Variants in DLG2 observed in about 807,000 individuals in gnomAD.
DLG2 encodes discs large MAGUK scaffold protein 2, also known as disks large homolog 2.
DLG2 carries 45 observed loss-of-function variants against 132.5 expected under a neutral mutation model. That is an observed-to-expected ratio of 0.34 (90% CI 0.27 to 0.44). The LOEUF (loss-of-function observed/expected upper bound fraction) is 0.44, where lower values mean the gene tolerates loss of function less well. Ranked by LOEUF, DLG2 falls within the 20% of genes least tolerant of loss-of-function variation. The pLI, the probability that DLG2 is intolerant of heterozygous loss-of-function variation, is 1.00. For synonymous variants in DLG2, 424 were observed against 419.6 expected, an observed-to-expected ratio of 1.01 and a Z score of -0.13; for missense variants, 1,045 against 1,196.9, an observed-to-expected ratio of 0.87 and a Z score of 1.87.
intron 7 of DLG2, among the ~76,000 whole-genome samples, chr11:84,351,695 C>T (rs199895329): frequency 1.3e-5 from 2 of 152,094 alleles, no homozygotes; most frequent in Admixed American, 6.5e-5. Flanking sequence ...AATTTGTAGT[C>T]AGCAGAAATA....
intron 15 of DLG2, among the ~76,000 whole-genome samples, chr11:83,905,339 C>T (rs540273563): frequency 2.6e-5 from 4 of 152,106 alleles, no homozygotes; most frequent in Non-Finnish European, 4.4e-5. Context: ...TCTTACCCAT[C>T]CTCTGGGGCT....
intron 4 of DLG2, among the ~76,000 whole-genome samples, chr11:85,220,891 AATAACT>A (rs1190755835): frequency 1.3e-5 from 2 of 152,020 alleles, no homozygotes; most frequent in African/African-American, 2.4e-5. Context: ...GTCTTGGCAA[AATAACT>A]ATCAAACTAT....
intron 6 of DLG2, among the ~76,000 whole-genome samples, chr11:84,880,079 G>A (rs1441862649): frequency 1.3e-5 from 2 of 152,048 alleles, no homozygotes; most frequent in Non-Finnish European, 2.9e-5. Flanking sequence ...TGAATCACTT[G>A]GGACAAAGAG....
intron 18 of DLG2, among the ~76,000 whole-genome samples, chr11:83,683,826 G>A (rs1027863632): frequency 3.9e-5 from 6 of 151,992 alleles, no homozygotes; most frequent in Non-Finnish European, 7.4e-5. Context: ...TCAGTGAAGG[G>A]GAAAAAGCCC....
intron 3 of DLG2, among the ~76,000 whole-genome samples, chr11:85,393,227 C>G (rs2086962832): frequency 6.6e-6 from 1 of 152,086 alleles, no homozygotes; most frequent in African/African-American, 2.4e-5. Flanking sequence ...AAAAAATGCT[C>G]AACATCACTA....
intron 6 of DLG2, among the ~76,000 whole-genome samples, chr11:84,764,544 T>C (rs2153872808): frequency 6.6e-6 from 1 of 152,206 alleles, no homozygotes; most frequent in Admixed American, 6.5e-5. Flanking sequence ...GAAGACACTG[T>C]TAGTATCTCC....
At chr11:84,606,273 A>C (rs1593550365) in intron 6 of DLG2, among the ~76,000 whole-genome samples, 1 of 152,150 alleles carries the variant, frequency 6.6e-6, no homozygotes, top group Non-Finnish European at 1.5e-5. Flanking sequence ...GAAGTGGATA[A>C]ACCGCAGCAT....
At chr11:85,188,604 T>A (rs192141113) in intron 4 of DLG2, among the ~76,000 whole-genome samples, 132 of 152,278 alleles carry the variant, frequency 8.7e-4, no homozygotes, top group Admixed American at 2.6e-3. Flanking sequence ...AGCCCATTTT[T>A]AAAAAATTAA....
intron 22 of DLG2, among the ~76,000 whole-genome samples, chr11:83,476,461 T>G (rs765683777): frequency 3.3e-5 from 5 of 152,190 alleles, no homozygotes; most frequent in African/African-American, 7.2e-5. Context: ...CTACTCATTT[T>G]ACATAGGAGA....
At chr11:83,471,905 T>C (rs1041393629) in intron 23 of DLG2, among the ~76,000 whole-genome samples, 178 bp from the exon 24 acceptor site, 1 of 152,164 alleles carries the variant, frequency 6.6e-6, no homozygotes, top group Non-Finnish European at 1.5e-5. Flanking sequence ...ACTCAGGAGA[T>C]TGGCAGTGCC....
chr11:84,902,882 C>G (rs567582582), intron 6 of DLG2, among the ~76,000 whole-genome samples: 1 of 152,162 alleles, frequency 6.6e-6, no homozygotes, highest in Non-Finnish European at 1.5e-5. Flanking sequence ...CTGCCACTCC[C>G]GTAACTCACA....
chr11:84,438,728 G>C (rs931339571), intron 7 of DLG2, among the ~76,000 whole-genome samples: 1 of 152,150 alleles, frequency 6.6e-6, no homozygotes, highest in Non-Finnish European at 1.5e-5. Flanking sequence ...TAAGGTTTTA[G>C]CCCTTTGCCA....
intron 3 of DLG2, among the ~76,000 whole-genome samples, chr11:85,359,503 C>T (rs1205881572): frequency 2.0e-5 from 3 of 152,166 alleles, no homozygotes; most frequent in African/African-American, 7.2e-5. Flanking sequence ...AACATTTAAT[C>T]ACAAATCTGA....
intron 7 of DLG2, among the ~76,000 whole-genome samples, chr11:84,383,003 C>G (rs903917146): frequency 2.4e-4 from 36 of 151,974 alleles, no homozygotes; most frequent in East Asian, 1.4e-3. Flanking sequence ...CATCTGTCCT[C>G]CACATTGCTG....
At chr11:84,653,321 G>T (rs2154546905) in intron 6 of DLG2, among the ~76,000 whole-genome samples, 1 of 152,272 alleles carries the variant, frequency 6.6e-6, no homozygotes, top group South Asian at 2.1e-4. Context: ...CTAACTGAAG[G>T]CTCTTTCAAA....
At chr11:84,475,960 A>G (rs1357686397) in intron 7 of DLG2, among the ~76,000 whole-genome samples, 2 of 151,980 alleles carry the variant, frequency 1.3e-5, no homozygotes, top group African/African-American at 4.8e-5. Flanking sequence ...GTCCGATTGT[A>G]TACATCCCTA....
At chr11:83,582,126 T>C (rs1311511598) in intron 19 of DLG2, among the ~76,000 whole-genome samples, 1 of 151,948 alleles carries the variant, frequency 6.6e-6, no homozygotes, top group Non-Finnish European at 1.5e-5. Context: ...CCGGCTAATT[T>C]TGTATTTTTA....
chr11:85,302,288 C>G (rs1484200426), intron 3 of DLG2, among the ~76,000 whole-genome samples: 2 of 112,392 alleles, frequency 1.8e-5, no homozygotes, highest in East Asian at 2.3e-4. Flanking sequence ...ACTAATAATA[C>G]TACTACATAA....
chr11:83,954,817 T>G (rs1169375476), intron 14 of DLG2, among the ~76,000 whole-genome samples: 2 of 152,216 alleles, frequency 1.3e-5, no homozygotes, highest in Non-Finnish European at 2.9e-5. Context: ...GATTTCTGTA[T>G]TAGATTTTCA....
Sources: gnomAD v4.1 joint callset for allele counts (sites outside exome capture counted in the v4.1 genomes callset) on GRCh38, gnomAD v4.1.1 for gene constraint, MANE v1.5 for transcripts, NCBI Gene and HGNC (gene_info 2026-07-23, HGNC 2026-07-21) for gene names.